Variants in DCHS1 observed in about 807,000 individuals in gnomAD.
DCHS1 encodes protocadherin-16.
Under a neutral mutation model 213.9 loss-of-function variants are expected in DCHS1, and 78 were observed. The observed-to-expected ratio is 0.36, with a 90% CI of 0.30 to 0.44. The LOEUF (loss-of-function observed/expected upper bound fraction) is 0.44. DCHS1 is among the 20% of genes least tolerant of loss of function. The pLI is 1.00. For missense variants in DCHS1, 3,946 were observed against 4,395.9 expected, an observed-to-expected ratio of 0.90 and a Z score of 2.89; for synonymous variants, 1,828 against 1,873.7, an observed-to-expected ratio of 0.98 and a Z score of 0.63.
At position 6,625,339 on chromosome 11, in the gene DCHS1, C is replaced by T. The variant is rs764000219; in HGVS notation, c.7005G>A (p.Gly2335=). Residue 2335 remains glycine, a synonymous_variant, in exon 19 of 21, where the codon GGG becomes GGA. Transcript: ENST00000299441. This position sits in a 1 kb window ranked among gnomAD's most constrained non-coding sequence, Gnocchi z 5.3. ...GRYGGRVSLT[G]PLDFEQCDRY... is the part of the protein sequence containing the mutation. Reference sequence around the variant, plus strand: ...GGTCACACTGCTCAAAGTCCAGGGGCCCCGTGAGGGAGACACGGCCTCCAT... The same window carrying T: ...GGTCACACTGCTCAAAGTCCAGGGGTCCCGTGAGGGAGACACGGCCTCCAT... 57 of 1,613,692 alleles carry T rather than the reference C, an allele frequency of 3.5e-5. No homozygotes were observed. The highest frequency in any genetic ancestry group is 4.5e-5 in the Non-Finnish European group (53 of 1,179,856).
intron 1 of DCHS1, among the ~76,000 whole-genome samples, chr11:6,646,960 G>T (rs1856167089): frequency 6.6e-6 from 1 of 152,118 alleles, no homozygotes; most frequent in Non-Finnish European, 1.5e-5. Flanking sequence ...TGCTCCAGGA[G>T]GAAGTAGAGG....
chr11:6,630,943 G>T, intron 9 of DCHS1, 80 bp from the exon 10 acceptor site: 1 of 1,501,228 alleles, frequency 6.7e-7, no homozygotes. Flanking sequence ...CAGGTGGTAG[G>T]AAAGTGGTCA....
Position 6,625,272 on chromosome 11 carries a change from C to T in DCHS1, c.7072G>A (p.Gly2358Ser). The change falls in exon 19 of 21, where the codon GGC becomes AGC. Residue 2358 changes from glycine (G) to serine (S), a missense_variant. Coordinates refer to ENST00000299441, the MANE Select transcript of DCHS1 (RefSeq NM_003737.4). The surrounding 1 kb of genome is among the most constrained non-coding windows in gnomAD (Gnocchi z 5.3). ...QLLAHDGPHE[G>S]RANLTVLVED... is the part of the protein sequence containing the mutation. ...ACAAGCACTGTGAGGTTGGCACGGC[C>T]CTCATGAGGCCCATCATGTGCCAGC... 6.2e-7 allele frequency: 1 copy of T among 1,613,708 alleles called. No individual in the cohort carries two copies. Among genetic ancestry groups the T allele is most frequent in the Non-Finnish European group, 8.5e-7 (1 of 1,179,772 alleles).
intron 2 of DCHS1, among the ~76,000 whole-genome samples, chr11:6,639,463 T>G (rs922931843): frequency 6.6e-6 from 1 of 152,222 alleles, no homozygotes; most frequent in Admixed American, 6.5e-5. Flanking sequence ...CCATAAATTC[T>G]GGTGTCTTCT....
intron 1 of DCHS1, among the ~76,000 whole-genome samples, chr11:6,647,453 G>T (rs895384783): frequency 6.6e-6 from 1 of 152,154 alleles, no homozygotes; most frequent in Non-Finnish European, 1.5e-5. Flanking sequence ...AGCAGTGCCC[G>T]GGCCTGGCTC....
rs1393657833 is a variant in DCHS1, at chr11:6,640,239, C to T, written c.1375G>A (p.Val459Met). The change falls in exon 2 of 21, where the codon GTG becomes ATG. Residue 459 changes from valine (V) to methionine (M), a missense_variant. Transcript: ENST00000299441. This position sits in a 1 kb window ranked among gnomAD's most constrained non-coding sequence, Gnocchi z 6.5. ...SPPLRAEAAF[V>M]LHVTDVNDNA... Reference sequence around the variant, plus strand: ...TCGTTGACATCAGTGACGTGCAGCACAAAGGCAGCCTCAGCCCGCAGTGGA... The same window carrying T: ...TCGTTGACATCAGTGACGTGCAGCATAAAGGCAGCCTCAGCCCGCAGTGGA... The T allele has an allele frequency of 1.9e-6, 3 of 1,612,228 alleles. No homozygotes were observed. Among genetic ancestry groups the T allele is most frequent in the East Asian group, 2.2e-5 (1 of 44,802 alleles).
In DCHS1 at chr11:6,629,493, C is replaced by A. The variant is rs754567549; in HGVS notation, c.5120G>T (p.Arg1707Leu). The change falls in exon 12 of 21, where the codon CGG becomes CTG. Residue 1707 changes from arginine to leucine, a missense_variant. By Grantham distance (102) the Arg-to-Leu change is moderately radical. Transcript: ENST00000299441. ...CTCCTGTTCCTCTCGATCCAGGGCC[C>A]GAAGAGTCGTGAGAACACCAGTGTC... Reference protein sequence around the residue: ...DPDTGVLTTLRALDREEQEEI... With the variant: ...DPDTGVLTTLLALDREEQEEI... 5.0e-6 allele frequency: 8 copies of A among 1,613,060 alleles called. No homozygotes were observed. The highest frequency in any genetic ancestry group is 6.8e-6 in the Non-Finnish European group (8 of 1,179,524).
Position 6,628,678 on chromosome 11 carries a change from G to A in DCHS1, c.5314C>T (p.Leu1772Phe), listed in dbSNP as rs1047042656. 3.7e-6 allele frequency: 6 copies of A among 1,613,926 alleles called. No individual in the cohort carries two copies. The highest frequency in any genetic ancestry group is 5.1e-6 in the Non-Finnish European group (6 of 1,179,908). Residue 1772 changes from leucine (L) to phenylalanine (F), a missense_variant, in exon 13 of 21, where the codon CTT (leucine) becomes TTT (phenylalanine). Leu to Phe is a conservative substitution (Grantham distance 22). Around this residue, in one of 3 missense-constraint regions of DCHS1, gnomAD observed 3,384 missense variants for 3,780.1 expected, o/e 0.90. Transcript: ENST00000299441. This position sits in a 1 kb window ranked among gnomAD's most constrained non-coding sequence, Gnocchi z 4.3. Reference protein sequence around the residue: ...EGQDPQTLTMLRASDPDVGAN... With the variant: ...EGQDPQTLTMFRASDPDVGAN... ...CCCACATCTGGATCAGAGGCCCGAA[G>A]CATGGTAAGGGTCTGGGGGTCCTGG...
chr11:6,654,475 T>C (rs1359810347), intron 1 of DCHS1, among the ~76,000 whole-genome samples: 1 of 152,184 alleles, frequency 6.6e-6, no homozygotes, highest in Admixed American at 6.5e-5. Context: ...AGTAACAATG[T>C]CTTCCATGGT....
chr11:6,653,056 G>A (rs1856267461), intron 1 of DCHS1, among the ~76,000 whole-genome samples: 1 of 152,142 alleles, frequency 6.6e-6, no homozygotes, highest in South Asian at 2.1e-4. Context: ...AGCTTCCAAT[G>A]ATTTGGTGAC....
Position 6,624,254 on chromosome 11 carries a change from G to C in DCHS1, c.7422C>G (p.Asp2474Glu), listed in dbSNP as rs776412498. 13 of 1,612,122 alleles carry C rather than the reference G, an allele frequency of 8.1e-6. No homozygotes were observed. Among genetic ancestry groups the C allele is most frequent in the Admixed American group, 1.7e-5 (1 of 59,800 alleles). The change falls in exon 21 of 21, where the codon GAC becomes GAG. Residue 2474 changes from aspartate (D) to glutamate (E), a missense_variant. Coordinates refer to ENST00000299441, the MANE Select transcript of DCHS1 (RefSeq NM_003737.4). ...TGAAGCTCGGGGCGTGGTCGTTCTG[G>C]TCCTGCAGCTGCACGTGCACTGTGG... ...ARATVHVQLQDQNDHAPSFTL... is the reference protein window; with the variant it reads ...ARATVHVQLQEQNDHAPSFTL...
chr11:6,634,908 T>G (rs964219260), intron 2 of DCHS1: 1 of 152,244 alleles, frequency 6.6e-6, no homozygotes, highest in Admixed American at 6.5e-5. Context: ...AACTCAAATT[T>G]TTCATCTCTC....
chr11:6,655,416 C>T, intron 1 of DCHS1, 147 bp downstream of exon 1: 5 of 405,520 alleles, frequency 1.2e-5, no homozygotes, highest in Non-Finnish European at 1.7e-5. Context: ...TCACGCCCGC[C>T]CGGGTCCCGC....
rs1307260164 is a variant in DCHS1, at chr11:6,622,211, C to T, written c.9465G>A (p.Glu3155=). ...CCCAGTTATAGCTGCCACGGAGCTCCTCCTCGCCGGCCACAATGGCTGTCA... is the reference window on the plus strand; with the variant it reads ...CCCAGTTATAGCTGCCACGGAGCTCTTCCTCGCCGGCCACAATGGCTGTCA... ...GALTAIVAGE[E]ELRGSYNWDY... is the part of the protein sequence containing the mutation. Residue 3155 remains glutamate (E), a synonymous_variant, in exon 21 of 21, where the codon GAG becomes GAA. Coordinates refer to ENST00000299441, the MANE Select transcript of DCHS1 (RefSeq NM_003737.4). This position sits in a 1 kb window ranked among gnomAD's most constrained non-coding sequence, Gnocchi z 5.4. 6.2e-7 allele frequency: 1 copy of T among 1,601,724 alleles called. No homozygotes were observed. The highest frequency in any genetic ancestry group is 8.5e-7 in the Non-Finnish European group (1 of 1,176,216).
In DCHS1 at chr11:6,631,661, C is replaced by T. The variant is rs756980279; in HGVS notation, c.3630G>A (p.Thr1210=). Residue 1210 remains threonine, a synonymous_variant, in exon 7 of 21, where the codon ACG becomes ACA. Coordinates refer to ENST00000299441, the MANE Select transcript of DCHS1 (RefSeq NM_003737.4). ...CAGCAGCTCCTGAAGCCTGCAGGAACGTGGGGCTGTTGTCGTTGAGGTCAA... is the reference window on the plus strand; with the variant it reads ...CAGCAGCTCCTGAAGCCTGCAGGAATGTGGGGCTGTTGTCGTTGAGGTCAA... The part of the protein sequence containing the change: ...AVLDLNDNSP[T]FLQASGAAGG... 18 of 1,603,518 alleles carry T rather than the reference C, an allele frequency of 1.1e-5. No homozygotes were observed. Among genetic ancestry groups the T allele is most frequent in the South Asian group, 6.7e-5 (6 of 89,178 alleles).
intron 12 of DCHS1, 26 bp downstream of exon 12, chr11:6,629,426 G>C: frequency 6.2e-7 from 1 of 1,611,426 alleles, no homozygotes; most frequent in Non-Finnish European, 8.5e-7. Context: ...CCTCACTCAG[G>C]CTCTTGGGGT....
chr11:6,645,824 C>T (rs1437767132), intron 1 of DCHS1, among the ~76,000 whole-genome samples: 1 of 152,170 alleles, frequency 6.6e-6, no homozygotes, highest in Non-Finnish European at 1.5e-5. Flanking sequence ...CTCATGCTGT[C>T]AGGCTTACGA....
Position 6,632,899 on chromosome 11 carries a change from C to A in DCHS1, c.2613G>T (p.Val871=), listed in dbSNP as rs758161845. 1 of 1,613,968 alleles carries A rather than the reference C, an allele frequency of 6.2e-7. No individual in the cohort carries two copies. Among genetic ancestry groups the A allele is most frequent in the South Asian group, 1.1e-5 (1 of 91,080 alleles). ...CCCGAGCTACAGCGAAAGCTGGGGG[C>A]ACTCCACTGCCTGCTCGCACCTCCA... The part of the protein sequence containing the change: ...LELEVRAGSG[V]PPAFAVARVR... Residue 871 remains valine, a synonymous_variant, in exon 6 of 21, where the codon GTG becomes GTT. Coordinates refer to ENST00000299441, the MANE Select transcript of DCHS1 (RefSeq NM_003737.4). This position sits in a 1 kb window ranked among gnomAD's most constrained non-coding sequence, Gnocchi z 5.9.
rs542832315 is a variant in DCHS1, at chr11:6,638,811, C to T, written c.1797+1006G>A. ...ACGATCTGTCACACACCTGCTGATC[C>T]AATCACCCTTAAAGCCAGATAGCTA... On this transcript the variant is annotated intron_variant, in intron 2 of 20. Coordinates refer to ENST00000299441, the MANE Select transcript of DCHS1 (RefSeq NM_003737.4). Among the ~76,000 whole-genome samples the T allele has an allele frequency of 6.6e-5, 10 of 152,274 alleles. 1 individual carries two copies. In the South Asian group the frequency reaches 1.9e-3, roughly 28 times the overall value.
Sources: gnomAD v4.1 joint callset for allele counts (sites outside exome capture counted in the v4.1 genomes callset) on GRCh38, gnomAD v4.1.1 for gene constraint, gnomAD v4.1.1 regional missense constraint, Gnocchi (gnomAD v3.1) non-coding constraint, MANE v1.5 for transcripts, NCBI Gene and HGNC (gene_info 2026-07-23, HGNC 2026-07-21) for gene names.